The following MACF1 variants were observed in gnomAD, a reference collection of about 807,000 sequenced individuals.
The protein encoded by MACF1 is microtubule actin crosslinking factor 1.
A neutral mutation model predicts 854.8 loss-of-function variants in MACF1; 193 were observed. That is an observed-to-expected ratio of 0.23 (90% CI 0.20 to 0.25). The LOEUF is 0.25. Among genes scored for constraint, MACF1 ranks in the 10% least tolerant of loss-of-function variants. MACF1 has a pLI of 1.00. For synonymous variants in MACF1, 3,185 were observed against 3,226.7 expected (o/e 0.99, Z 0.44); for missense variants, 7,722 against 8,929.1 (o/e 0.86, Z 5.45).
intron 97 of MACF1, among the ~76,000 whole-genome samples, chr1:39,477,118 G>GTATATA (rs1170894300): frequency 2.8e-4 from 7 of 24,564 alleles, no homozygotes; most frequent in Non-Finnish European, 3.9e-4. Flanking sequence ...TACACTTAGT[G>GTATATA]TATATATATA....
At chr1:39,151,296 A>G (rs373308663) in intron 2 of MACF1, among the ~76,000 whole-genome samples, 27 of 152,354 alleles carry the variant, frequency 1.8e-4, no homozygotes, top group East Asian at 1.5e-3. Flanking sequence ...TTTTGATAAC[A>G]GTAGTACTTT....
At position 39,105,389 on chromosome 1, in the gene MACF1, G is replaced by T; in HGVS notation, c.220+20951G>T. On this transcript the variant is annotated intron_variant, in intron 2 of 93. Coordinates refer to the MACF1 transcript ENST00000361689. The surrounding 1 kb of genome is among the most constrained non-coding windows in gnomAD (Gnocchi z 5.9). ...TGAGGGAGGAGCGGAGCCGAGGGGT[G>T]AGGACGCGGAAACGCGAGCCGGGAC... The T allele has an allele frequency of 1.0e-6, 1 of 986,932 alleles. No individual in the cohort carries two copies. The highest frequency in any genetic ancestry group is 4.7e-5 in the South Asian group (1 of 21,496). The allele number at this position is 986,932 out of a possible 1,614,324, so 61.1% of individuals were successfully genotyped here.
At chr1:39,304,721 G>T in intron 23 of MACF1, 1 of 360,050 alleles carries the variant, frequency 2.8e-6, no homozygotes, top group Admixed American at 4.1e-5. Context: ...CCGTCACCAT[G>T]CCCTGCTAAT....
chr1:39,479,868 C>T lies in MACF1; in HGVS notation c.22029C>T (p.Thr7343=). Residue 7343 remains threonine, a synonymous_variant, in exon 98 of 101, where the codon ACC becomes ACT. Transcript: ENST00000564288. ...CAGAGGGAGCATCCCAGGGAATGACCCCCTTCCGCTCACGGGGTCGAAGGT... is the reference window on the plus strand; with the variant it reads ...CAGAGGGAGCATCCCAGGGAATGACTCCCTTCCGCTCACGGGGTCGAAGGT... The part of the protein sequence containing the change: ...ILPEGASQGM[T]PFRSRGRRSK... 1 of 1,614,208 alleles carries T rather than the reference C, an allele frequency of 6.2e-7. No homozygotes were observed. Among genetic ancestry groups the T allele is most frequent in the Non-Finnish European group, 8.5e-7 (1 of 1,180,040 alleles).
At chr1:39,398,004 A>C (rs1237216780) in intron 58 of MACF1, among the ~76,000 whole-genome samples, 1 of 152,212 alleles carries the variant, frequency 6.6e-6, no homozygotes, top group Non-Finnish European at 1.5e-5. Context: ...AGAGGTTAAA[A>C]TAACTTGTTC....
intron 18 of MACF1, among the ~76,000 whole-genome samples, chr1:39,294,117 AGTATT>A (rs1645851956): frequency 6.6e-6 from 1 of 152,232 alleles, no homozygotes; most frequent in Non-Finnish European, 1.5e-5. Flanking sequence ...CATTTAGTCT[AGTATT>A]GTTCAACTGG....
intron 84 of MACF1, among the ~76,000 whole-genome samples, chr1:39,449,123 G>A (rs917187973): frequency 6.6e-6 from 1 of 152,236 alleles, no homozygotes; most frequent in Admixed American, 6.5e-5. Flanking sequence ...AATGATACCT[G>A]ACCTTTGCTG....
At chr1:39,346,702 G>T (rs1557601322) in intron 40 of MACF1, among the ~76,000 whole-genome samples, 1 of 151,932 alleles carries the variant, frequency 6.6e-6, no homozygotes, top group Non-Finnish European at 1.5e-5. Context: ...TGTATTTTTA[G>T]TAGAGACGGG....
intron 61 of MACF1, among the ~76,000 whole-genome samples, chr1:39,427,146 C>T (rs533694250): frequency 6.6e-6 from 1 of 152,156 alleles, no homozygotes; most frequent in African/African-American, 2.4e-5. Context: ...TGTTGCTACT[C>T]ACCAGGTGAT....
chr1:39,250,125 G>T (rs745956081), intron 3 of MACF1, 22 bp downstream of exon 3: 2 of 1,537,490 alleles, frequency 1.3e-6, no homozygotes, highest in Admixed American at 3.4e-5. Context: ...CTAATGAATG[G>T]CCTCACAATT....
Position 39,333,349 on chromosome 1 carries a change from T to A in MACF1, c.6761T>A (p.Met2254Lys), listed in dbSNP as rs1646759455. ...GCACAGAACATCGCAGGTGGTAGTA[T>A]GATGATGTCAGAAAAGACCGATGAG... ...QEAQNIAGGSMMMSEKTDEED... is the reference protein window; with the variant it reads ...QEAQNIAGGSKMMSEKTDEED... Residue 2254 changes from methionine (M) to lysine (K), a missense_variant, in exon 37 of 101, where the codon ATG becomes AAG. Physicochemically the swap from Met to Lys is moderately conservative, Grantham distance 95. This residue lies in a region of MACF1 where 1,531 missense variants were observed against 1,601.6 expected (regional missense o/e 0.96). Transcript: ENST00000564288. The A allele has an allele frequency of 1.2e-6, 2 of 1,613,990 alleles. No homozygotes were observed. The highest frequency in any genetic ancestry group is 2.2e-5 in the South Asian group (2 of 91,062).
chr1:39,486,369 A>G lies in MACF1; in HGVS notation c.*575A>G, dbSNP rs1645100752. On this transcript the variant is annotated 3_prime_UTR_variant, in exon 101 of 101. Transcript: ENST00000564288. ...AGTAACATTTGCACATGATACAGCA[A>G]AAGGAGTTCATTGCAATACTGTCTT... The G allele has an allele frequency of 6.5e-6, 1 of 152,686 alleles. No individual in the cohort carries two copies. Among genetic ancestry groups the G allele is most frequent in the Non-Finnish European group, 1.5e-5 (1 of 68,054 alleles). The allele number at this position is 152,686 out of a possible 1,614,324, so 9.5% of individuals were successfully genotyped here. A position where few individuals can be genotyped will look rare whatever the true frequency, so the allele number is the denominator to read the frequency against.
At chr1:39,229,619 G>C (rs1644756540) in intron 1 of MACF1, among the ~76,000 whole-genome samples, 1 of 152,228 alleles carries the variant, frequency 6.6e-6, no homozygotes, top group African/African-American at 2.4e-5. Context: ...TAGGTTTGCA[G>C]ATTGTCATGG....
At position 39,454,999 on chromosome 1, in the gene MACF1, G is replaced by A; in HGVS notation, c.20977G>A (p.Ala6993Thr). The A allele has an allele frequency of 1.2e-6, 2 of 1,614,068 alleles. No homozygotes were observed. The highest frequency in any genetic ancestry group is 1.7e-6 in the Non-Finnish European group (2 of 1,180,012). The change falls in exon 89 of 101, where the codon GCA (alanine) becomes ACA (threonine). Residue 6993 changes from alanine (A) to threonine (T), a missense_variant. Coordinates refer to ENST00000564288, the MANE Select transcript of MACF1 (RefSeq NM_001394062.1). ...TGCTGAGCTCCTGGAAGAACTTCTGGCATGGATCCAGTGGGCTGAGACCAC... is the reference window on the plus strand; with the variant it reads ...TGCTGAGCTCCTGGAAGAACTTCTGACATGGATCCAGTGGGCTGAGACCAC... ...ANAELLEELLAWIQWAETTLI... is the reference protein window; with the variant it reads ...ANAELLEELLTWIQWAETTLI...
At chr1:39,320,662 T>C (rs1646496872) in intron 31 of MACF1, among the ~76,000 whole-genome samples, 1 of 152,216 alleles carries the variant, frequency 6.6e-6, no homozygotes, top group African/African-American at 2.4e-5. Flanking sequence ...TCTCTTAGAA[T>C]ATCTTTAAGG....
Position 39,293,630 on chromosome 1 carries a change from C to T in MACF1, c.2154+11C>T, listed in dbSNP as rs373479611. 1 of 1,609,102 alleles carries T rather than the reference C, an allele frequency of 6.2e-7. No individual in the cohort carries two copies. The highest frequency in any genetic ancestry group is 1.3e-5 in the African/African-American group (1 of 74,790). On this transcript the variant is annotated intron_variant, in intron 18 of 100. Transcript: ENST00000564288. ...AGAAATTACTTCTCTGTGAGTCTAG[C>T]ACAGTAGCAGGCCTGTCATACTTAT...
chr1:39,171,225 GTGTA>G (rs1394605037), intron 2 of MACF1, among the ~76,000 whole-genome samples: 29 of 151,718 alleles, frequency 1.9e-4, no homozygotes, highest in South Asian at 4.2e-4. Context: ...GTGTGTGTGT[GTGTA>G]TGTGTGTGTG....
intron 97 of MACF1, among the ~76,000 whole-genome samples, chr1:39,477,073 A>ACACACACACATATACACTTAGTG (rs1481277864): frequency 2.6e-5 from 1 of 37,866 alleles, no homozygotes; most frequent in Non-Finnish European, 4.2e-5. Context: ...ATATATATAT[A>ACACACACACATATACACTTAGTG]TATATATATA....
intron 52 of MACF1, among the ~76,000 whole-genome samples, chr1:39,375,273 G>T (rs908096580): frequency 5.9e-5 from 9 of 151,844 alleles, no homozygotes; most frequent in Admixed American, 5.2e-4. Flanking sequence ...AAGATTATTG[G>T]ATGACAGCTT....
Sources: allele counts gnomAD v4.1 joint callset (sites outside exome capture counted in the v4.1 genomes callset), GRCh38; gene constraint gnomAD v4.1.1; regional missense constraint gnomAD v4.1.1; non-coding constraint Gnocchi (gnomAD v3.1); transcripts MANE v1.5; gene names NCBI Gene and HGNC (gene_info 2026-07-23, HGNC 2026-07-21).